The following SDC2 variants were observed in gnomAD, a reference collection of about 807,000 sequenced individuals.
SDC2 encodes the protein syndecan 2.
SDC2 carries 13 observed loss-of-function variants against 22.2 expected under a neutral mutation model. The observed-to-expected ratio is 0.59, with a 90% CI of 0.38 to 0.93. SDC2 has a LOEUF of 0.93. Among genes scored for constraint, SDC2 ranks in the 40% least tolerant of loss-of-function variants. SDC2 has a pLI of 0.00. For missense variants in SDC2, 235 were observed against 246.8 expected, an observed-to-expected ratio of 0.95 and a Z score of 0.32; for synonymous variants, 94 against 92.8, an observed-to-expected ratio of 1.01 and a Z score of -0.07.
At chr8:96,595,584 T>C (rs1229184078) in intron 2 of SDC2, among the ~76,000 whole-genome samples, 1 of 152,134 alleles carries the variant, frequency 6.6e-6, no homozygotes, top group East Asian at 1.9e-4. Flanking sequence ...ACTATGGACA[T>C]TTTTTGTTCC....
chr8:96,522,371 T>A (rs2514785), intron 1 of SDC2, among the ~76,000 whole-genome samples: 97,819 of 146,994 alleles, frequency 0.67, 32,684 homozygotes, highest in African/African-American at 0.76. Flanking sequence ...TGGTTACCTA[T>A]TTTTTTTTTT....
intron 1 of SDC2, among the ~76,000 whole-genome samples, chr8:96,518,401 C>A (rs1438620899): frequency 6.7e-6 from 1 of 148,646 alleles, no homozygotes; most frequent in African/African-American, 2.5e-5. Context: ...CTCTCTGTCA[C>A]GCAGGCTGGA....
At chr8:96,566,811 G>A (rs1192038568) in intron 1 of SDC2, among the ~76,000 whole-genome samples, 1 of 151,920 alleles carries the variant, frequency 6.6e-6, no homozygotes, top group East Asian at 1.9e-4. Flanking sequence ...TTAGGGAGGG[G>A]GGTGTGGTTA....
At chr8:96,595,612 A>C (rs142568062) in intron 2 of SDC2, among the ~76,000 whole-genome samples, 10 of 152,284 alleles carry the variant, frequency 6.6e-5, no homozygotes, top group Non-Finnish European at 1.3e-4. Flanking sequence ...CAGATCTTAG[A>C]ATCCAAGAGT....
intron 1 of SDC2, among the ~76,000 whole-genome samples, chr8:96,502,446 G>C (rs2575707): frequency 2.0e-5 from 3 of 149,152 alleles, no homozygotes; most frequent in Non-Finnish European, 4.5e-5. Context: ...GAACAGCTGC[G>C]TGGTAAAAAT....
Position 96,610,771 on chromosome 8 carries a change from A to G in SDC2, c.*1223A>G, listed in dbSNP as rs1184884067. 6.6e-6 allele frequency: 1 copy of G among 152,638 alleles called. No individual in the cohort carries two copies. Among genetic ancestry groups the G allele is most frequent in the East Asian group, 1.9e-4 (1 of 5,192 alleles). 9.5% of individuals were successfully genotyped at this position (152,638 alleles called of 1,614,324 possible). A position where few individuals can be genotyped will look rare whatever the true frequency, so the allele number is the denominator to read the frequency against. On this transcript the variant is annotated 3_prime_UTR_variant, in exon 5 of 5. Transcript: ENST00000302190. ...TTCACAGTGTCTGTAAATCAAGACCAAAGAGCCTGTCGATGAGACTGTTTA... is the reference window on the plus strand; with the variant it reads ...TTCACAGTGTCTGTAAATCAAGACCGAAGAGCCTGTCGATGAGACTGTTTA...
At chr8:96,498,899 G>A (rs922799536) in intron 1 of SDC2, among the ~76,000 whole-genome samples, 1 of 152,184 alleles carries the variant, frequency 6.6e-6, no homozygotes, top group Non-Finnish European at 1.5e-5. Flanking sequence ...TTCTATGTCA[G>A]TAGCCTTGTA....
At chr8:96,587,887 T>C (rs970039106) in intron 1 of SDC2, among the ~76,000 whole-genome samples, 1 of 152,148 alleles carries the variant, frequency 6.6e-6, no homozygotes, top group African/African-American at 2.4e-5. Flanking sequence ...ATGTTGAACA[T>C]GCTCAGTGAC....
chr8:96,504,004 C>A (rs1813203331), intron 1 of SDC2, among the ~76,000 whole-genome samples: 1 of 151,930 alleles, frequency 6.6e-6, no homozygotes, highest in Non-Finnish European at 1.5e-5. Context: ...ATGATGAGCC[C>A]AATTGGGATT....
At chr8:96,547,989 T>C (rs993786862) in intron 1 of SDC2, among the ~76,000 whole-genome samples, 1 of 152,178 alleles carries the variant, frequency 6.6e-6, no homozygotes. Context: ...CTCAAACTCC[T>C]GGGCTCAGGC....
chr8:96,592,456 T>G (rs1378339152), intron 1 of SDC2, among the ~76,000 whole-genome samples: 3 of 152,224 alleles, frequency 2.0e-5, no homozygotes, highest in Admixed American at 1.3e-4. Flanking sequence ...CAATAATGAG[T>G]GTTGCCTGTT....
chr8:96,505,789 T>C (rs1442492664), intron 1 of SDC2, among the ~76,000 whole-genome samples: 2 of 152,238 alleles, frequency 1.3e-5, no homozygotes, highest in Non-Finnish European at 2.9e-5. Context: ...TAAATCAGTT[T>C]AACAATGGAC....
intron 1 of SDC2, among the ~76,000 whole-genome samples, chr8:96,514,668 G>A (rs980608472): frequency 5.3e-5 from 8 of 152,188 alleles, no homozygotes; most frequent in Non-Finnish European, 1.0e-4. Context: ...TGTTAGGGGG[G>A]ATGGTTTTGG....
chr8:96,590,291 T>A (rs1006739175), intron 1 of SDC2, among the ~76,000 whole-genome samples: 1 of 152,200 alleles, frequency 6.6e-6, no homozygotes, highest in Non-Finnish European at 1.5e-5. Flanking sequence ...ACAGCCTCGT[T>A]ATGACACCCT....
At chr8:96,579,520 C>T (rs1024048931) in intron 1 of SDC2, among the ~76,000 whole-genome samples, 2 of 152,154 alleles carry the variant, frequency 1.3e-5, no homozygotes, top group Non-Finnish European at 2.9e-5. Context: ...AGGATGTGAC[C>T]ACTTGGAACC....
chr8:96,593,908 G>A (rs577445068), intron 2 of SDC2, among the ~76,000 whole-genome samples: 3 of 152,256 alleles, frequency 2.0e-5, no homozygotes, highest in Admixed American at 6.5e-5. Context: ...GGCACATAGT[G>A]CTCTGTCAAC....
chr8:96,498,993 T>TC (rs1200951822), intron 1 of SDC2, among the ~76,000 whole-genome samples: 14 of 152,202 alleles, frequency 9.2e-5, no homozygotes, highest in Admixed American at 8.5e-4. Context: ...TCTAGACACC[T>TC]CCGTGTCCTT....
chr8:96,570,915 A>G (rs1401096421), intron 1 of SDC2, among the ~76,000 whole-genome samples: 1 of 152,054 alleles, frequency 6.6e-6, no homozygotes, highest in East Asian at 1.9e-4. Flanking sequence ...GGGGGAAGGG[A>G]GAATAGGGAG....
At chr8:96,604,605 A>G (rs754960614) in intron 3 of SDC2, among the ~76,000 whole-genome samples, 8 of 148,902 alleles carry the variant, frequency 5.4e-5, no homozygotes, top group Middle Eastern at 3.4e-3. Context: ...TTGCTTTTCA[A>G]TTGGTCTCAC....
Sources: gnomAD v4.1 joint callset for allele counts (sites outside exome capture counted in the v4.1 genomes callset) on GRCh38, gnomAD v4.1.1 for gene constraint, MANE v1.5 for transcripts, NCBI Gene and HGNC (gene_info 2026-07-23, HGNC 2026-07-21) for gene names.